Variants in STAT4 observed in about 807,000 individuals in gnomAD.
The protein encoded by STAT4 is signal transducer and activator of transcription 4.
Under a neutral mutation model 110.5 loss-of-function variants are expected in STAT4, and 42 were observed. The observed-to-expected ratio is 0.38, with a 90% confidence interval of 0.30 to 0.49. The LOEUF is 0.49. STAT4 is among the 20% of genes least tolerant of loss of function. STAT4 has a pLI of 0.95. For synonymous variants in STAT4, 284 were observed against 302.2 expected (o/e 0.94, Z 0.63); for missense variants, 632 against 887.9 (o/e 0.71, Z 3.66).
intron 3 of STAT4, among the ~76,000 whole-genome samples, chr2:191,132,756 T>C (rs1389209466): frequency 1.7e-5 from 1 of 59,286 alleles, no homozygotes; most frequent in Non-Finnish European, 4.1e-5. Flanking sequence ...AATGGTTTTC[T>C]TTTTTTTTTT....
intron 5 of STAT4, among the ~76,000 whole-genome samples, chr2:191,070,308 T>C (rs1420176079): frequency 6.6e-6 from 1 of 152,218 alleles, no homozygotes; most frequent in Non-Finnish European, 1.5e-5. Flanking sequence ...AACCTGGTGA[T>C]GTTTTCCTGT....
intron 3 of STAT4, among the ~76,000 whole-genome samples, chr2:191,129,548 A>G (rs1192007381): frequency 6.6e-6 from 1 of 152,238 alleles, no homozygotes; most frequent in African/African-American, 2.4e-5. Context: ...GAAGATTAGG[A>G]GAGGTGATAA....
In STAT4 at chr2:191,131,823, G is replaced by C. The variant is rs1055785571; in HGVS notation, c.273+14790C>G. The C allele has an allele frequency of 4.9e-6, 7 of 1,418,156 alleles. No individual in the cohort carries two copies. The South Asian group carries it at 9.7e-5, about 20-fold the overall frequency. 87.8% of individuals were successfully genotyped at this position (1,418,156 alleles called of 1,614,324 possible). On this transcript the variant is annotated intron_variant, in intron 3 of 23. Coordinates refer to ENST00000392320, the MANE Select transcript of STAT4 (RefSeq NM_003151.4). Reference sequence around the variant, plus strand: ...TCCCAGGTGAAGAAGCTAAGTCCTAGGGACAAGATTTGGACCTTTGAATGC... The same window carrying C: ...TCCCAGGTGAAGAAGCTAAGTCCTACGGACAAGATTTGGACCTTTGAATGC...
chr2:191,049,535 A>T (rs1228843616), intron 14 of STAT4, among the ~76,000 whole-genome samples: 1 of 152,190 alleles, frequency 6.6e-6, no homozygotes, highest in Non-Finnish European at 1.5e-5. Context: ...TATGACTGGG[A>T]TATAGGGTGA....
rs117445456 is a variant in STAT4 at position 191,060,260 on chromosome 2, T to A, written c.1034+1469A>T. Among the ~76,000 whole-genome samples the A allele has an allele frequency of 8.8e-3, 1,335 of 152,300 alleles. 9 individuals are homozygous for A. Among genetic ancestry groups the A allele is most frequent in the East Asian group, 0.032 (167 of 5,174 alleles). ...ATCTCCCCTTTTGTCCCAGAGAGCA[T>A]CTTAGACTTACTATATCATCTATAG... On this transcript the variant is annotated intron_variant, in intron 10 of 23. Transcript: ENST00000392320. This position sits in a 1 kb window ranked among gnomAD's most constrained non-coding sequence, Gnocchi z 4.5.
rs540849335 is a variant in STAT4 at position 191,059,908 on chromosome 2, A to G, written c.1035-1139T>C. 1.6e-3 allele frequency among the ~76,000 whole-genome samples: 248 copies of G among 152,296 alleles called. No individual in the cohort carries two copies. The highest frequency in any genetic ancestry group is 5.8e-3 in the African/African-American group (243 of 41,556). On this transcript the variant is annotated intron_variant, in intron 10 of 23. Transcript: ENST00000392320. This position sits in a 1 kb window ranked among gnomAD's most constrained non-coding sequence, Gnocchi z 4.7. ...TTTTCCTCTCCACCTTCCTTTTTAT[A>G]CCACTTCAGGAAGGATCTGATTCAC... is the stretch of plus-strand genomic sequence containing the variant.
rs573344333 is a variant in STAT4 at position 191,059,360 on chromosome 2, C to G, written c.1035-591G>C. Among the ~76,000 whole-genome samples, 11 of 152,216 alleles carry G rather than the reference C, an allele frequency of 7.2e-5. No homozygotes were observed. Among genetic ancestry groups the G allele is most frequent in the Middle Eastern group, 3.4e-3 (1 of 294 alleles). ...TTCAGTATAAAAATTCCTTTAATTC[C>G]TTCTGGTGTCAGCCCATCCTTTATT... On this transcript the variant is annotated intron_variant, in intron 10 of 23. Coordinates refer to ENST00000392320, the MANE Select transcript of STAT4 (RefSeq NM_003151.4). This position sits in a 1 kb window ranked among gnomAD's most constrained non-coding sequence, Gnocchi z 4.7.
At position 191,116,852 on chromosome 2, in the gene STAT4, G is replaced by A. The variant is rs770670178; in HGVS notation, c.273+29761C>T. On this transcript the variant is annotated intron_variant, in intron 3 of 23. Transcript: ENST00000392320. This position sits in a 1 kb window ranked among gnomAD's most constrained non-coding sequence, Gnocchi z 4.1. ...AAATTTACTCAAATGTCTCAGAAAT[G>A]ACAAGATGCTTGAGGTGGACAGTAA... 1.3e-5 allele frequency among the ~76,000 whole-genome samples: 2 copies of A among 152,122 alleles called. No individual in the cohort carries two copies. Among genetic ancestry groups the A allele is most frequent in the Non-Finnish European group, 2.9e-5 (2 of 68,018 alleles).
rs546000713 is a variant in STAT4 at position 191,066,340 on chromosome 2, A to C, written c.630+90T>G. ...CTTCATTCAGTAAATGGAACTGATA[A>C]AATCTGACAGCTTGATTATTTTCAG... On this transcript the variant is annotated intron_variant, in intron 7 of 23. Coordinates refer to ENST00000392320, the MANE Select transcript of STAT4 (RefSeq NM_003151.4). This position sits in a 1 kb window ranked among gnomAD's most constrained non-coding sequence, Gnocchi z 4.3. 1 of 1,198,900 alleles carries C rather than the reference A, an allele frequency of 8.3e-7. No individual in the cohort carries two copies. Among genetic ancestry groups the C allele is most frequent in the Admixed American group, 2.0e-5 (1 of 50,720 alleles). The allele number at this position is 1,198,900 out of a possible 1,614,324, so 74.3% of individuals were successfully genotyped here. A position where few individuals can be genotyped will look rare whatever the true frequency, so the allele number is the denominator to read the frequency against.
At chr2:191,111,862 A>C (rs1447327088) in intron 3 of STAT4, among the ~76,000 whole-genome samples, 1 of 152,170 alleles carries the variant, frequency 6.6e-6, no homozygotes, top group Non-Finnish European at 1.5e-5. Flanking sequence ...CCTATCTGTT[A>C]GAAAAAAAGA....
At chr2:191,080,932 T>C (rs891275106) in intron 3 of STAT4, among the ~76,000 whole-genome samples, 1 of 152,204 alleles carries the variant, frequency 6.6e-6, no homozygotes, top group Non-Finnish European at 1.5e-5. Context: ...CATGATGGTT[T>C]GCTGCACTCA....
rs965663979 is a variant in STAT4, at chr2:191,032,592, A to G, written c.2044+366T>C. Reference sequence around the variant, plus strand: ...CAATATACAGACTTGTTTTACTATTAAAAGCTTCTCATCATTACCCCCTCT... The same window carrying G: ...CAATATACAGACTTGTTTTACTATTGAAAGCTTCTCATCATTACCCCCTCT... On this transcript the variant is annotated intron_variant, in intron 21 of 23. Coordinates refer to ENST00000392320, the MANE Select transcript of STAT4 (RefSeq NM_003151.4). This position sits in a 1 kb window ranked among gnomAD's most constrained non-coding sequence, Gnocchi z 4.9. Among the ~76,000 whole-genome samples the G allele has an allele frequency of 1.3e-5, 2 of 152,218 alleles. No homozygotes were observed. Among genetic ancestry groups the G allele is most frequent in the African/African-American group, 2.4e-5 (1 of 41,454 alleles).
At chr2:191,130,605 T>C (rs1699010009) in intron 3 of STAT4, among the ~76,000 whole-genome samples, 1 of 151,730 alleles carries the variant, frequency 6.6e-6, no homozygotes, top group Non-Finnish European at 1.5e-5. Flanking sequence ...TGCAGTTCAT[T>C]TGCTTTTTAA....
At chr2:191,070,350 C>T (rs182763597) in intron 5 of STAT4, among the ~76,000 whole-genome samples, 2 of 152,224 alleles carry the variant, frequency 1.3e-5, no homozygotes. Flanking sequence ...AAGATCTGGG[C>T]TAAAGGCTTT....
chr2:191,128,753 C>A lies in STAT4; in HGVS notation c.273+17860G>T, dbSNP rs150582713. On this transcript the variant is annotated intron_variant, in intron 3 of 23. Transcript: ENST00000392320. ...CTCTCACTAATAGTCATTACCCTGGCTTGTGAAAAATACTGTATAGGCAGT... is the reference window on the plus strand; with the variant it reads ...CTCTCACTAATAGTCATTACCCTGGATTGTGAAAAATACTGTATAGGCAGT... Among the ~76,000 whole-genome samples the A allele has an allele frequency of 6.0e-3, 921 of 152,282 alleles. 10 individuals are homozygous for A. Among genetic ancestry groups the A allele is most frequent in the Non-Finnish European group, 9.9e-3 (671 of 68,024 alleles).
At chr2:191,115,893 T>C (rs902794205) in intron 3 of STAT4, among the ~76,000 whole-genome samples, 6 of 152,230 alleles carry the variant, frequency 3.9e-5, no homozygotes, top group African/African-American at 1.4e-4. Context: ...AATGTACTCT[T>C]ATTCTAAATA....
At position 191,034,380 on chromosome 2, in the gene STAT4, G is replaced by A. The variant is rs372562147; in HGVS notation, c.1620+168C>T. On this transcript the variant is annotated intron_variant, in intron 18 of 23. Coordinates refer to ENST00000392320, the MANE Select transcript of STAT4 (RefSeq NM_003151.4). ...AGAGCTTGCAGTGAGCCGAGATTGCGCCACTGCACTCCAGCCTGGGTGACA... is the reference window on the plus strand; with the variant it reads ...AGAGCTTGCAGTGAGCCGAGATTGCACCACTGCACTCCAGCCTGGGTGACA... Among the ~76,000 whole-genome samples the A allele has an allele frequency of 4.0e-5, 6 of 148,290 alleles. No individual in the cohort carries two copies. In the East Asian group the frequency reaches 5.9e-4, roughly 15 times the overall value.
chr2:191,082,437 G>A lies in STAT4; in HGVS notation c.274-6112C>T, dbSNP rs142202547. On this transcript the variant is annotated intron_variant, in intron 3 of 23. Transcript: ENST00000392320. This position sits in a 1 kb window ranked among gnomAD's most constrained non-coding sequence, Gnocchi z 4.7. ...CAACAGTGCACATAATTCGATTGAAGTGACAACAACATGATAGCTTTGACC... is the reference window on the plus strand; with the variant it reads ...CAACAGTGCACATAATTCGATTGAAATGACAACAACATGATAGCTTTGACC... Among the ~76,000 whole-genome samples, 9 of 152,318 alleles carry A rather than the reference G, an allele frequency of 5.9e-5. No individual in the cohort carries two copies. The highest frequency in any genetic ancestry group is 3.4e-3 in the Middle Eastern group (1 of 294).
At chr2:191,097,570 T>C (rs143718855) in intron 3 of STAT4, among the ~76,000 whole-genome samples, 596 of 152,330 alleles carry the variant, frequency 3.9e-3, no homozygotes, top group Non-Finnish European at 6.7e-3. Context: ...TAGCCATATG[T>C]AGAAAACTAA....
Sources: gnomAD v4.1 joint callset for allele counts (sites outside exome capture counted in the v4.1 genomes callset) on GRCh38, gnomAD v4.1.1 for gene constraint, Gnocchi (gnomAD v3.1) non-coding constraint, MANE v1.5 for transcripts, NCBI Gene and HGNC (gene_info 2026-07-23, HGNC 2026-07-21) for gene names.